Variants in PDE1A observed in about 807,000 individuals in gnomAD.
The protein encoded by PDE1A is phosphodiesterase 1A, also known as dual specificity calcium/calmodulin-dependent 3',5'-cyclic nucleotide phosphodiesterase 1A.
In PDE1A, 35 loss-of-function variants were observed where a neutral mutation model predicts 61.7. The ratio of observed to expected loss-of-function variants is 0.57; its 90% CI spans 0.43 to 0.75. PDE1A has a LOEUF of 0.75. Among genes scored for constraint, PDE1A ranks in the 30% least tolerant of loss-of-function variants. The pLI is 0.00. For synonymous variants in PDE1A, 232 were observed against 213.2 expected (o/e 1.09, Z -0.77); for missense variants, 597 against 630.6 (o/e 0.95, Z 0.57).
chr2:182,401,385 G>A (rs533433693), intron 1 of PDE1A, among the ~76,000 whole-genome samples: 11 of 152,200 alleles, frequency 7.2e-5, no homozygotes, highest in African/African-American at 2.4e-4. Context: ...ATCAATAAAC[G>A]TAATCCATCA....
At position 182,467,536 on chromosome 2, in the gene PDE1A, A is replaced by G. The variant is rs959286725; in HGVS notation, c.101+54740T>C. Among the ~76,000 whole-genome samples the G allele has an allele frequency of 5.3e-5, 8 of 151,858 alleles. No individual in the cohort carries two copies. The Admixed American group carries it at 5.3e-4, about 10-fold the overall frequency. ...TTCAGAGAGTAGAGTATTAGAAAAA[A>G]CTTCCCAATTTATTTTATTAAGCCA... On this transcript the variant is annotated intron_variant, in intron 2 of 14. Transcript: ENST00000410103.
At chr2:182,343,012 C>A (rs1248147085) in intron 1 of PDE1A, among the ~76,000 whole-genome samples, 1 of 152,166 alleles carries the variant, frequency 6.6e-6, no homozygotes, top group Non-Finnish European at 1.5e-5. Context: ...CATGTACAAA[C>A]TGCATATGAA....
the PDE1A span, among the ~76,000 whole-genome samples, chr2:182,686,449 T>C: frequency 2.0e-5 from 3 of 152,368 alleles, no homozygotes; most frequent in South Asian, 2.1e-4. Flanking sequence ...AGAATTAAGG[T>C]TGCCTTTAAA....
At chr2:182,562,293 T>A in the PDE1A span, among the ~76,000 whole-genome samples, 2 of 151,370 alleles carry the variant, frequency 1.3e-5, no homozygotes, top group African/African-American at 4.8e-5. Context: ...AAAGGCCTTT[T>A]CTGCATCTAT....
intron 13 of PDE1A, among the ~76,000 whole-genome samples, chr2:182,175,466 G>C (rs1692654832): frequency 1.4e-5 from 2 of 147,242 alleles, no homozygotes; most frequent in South Asian, 4.5e-4. Context: ...GTGTTTTTTG[G>C]CTGCATAAAT....
At chr2:182,626,828 T>TATATATATAC in the PDE1A span, among the ~76,000 whole-genome samples, 7 of 35,750 alleles carry the variant, frequency 2.0e-4, 1 homozygote, top group South Asian at 1.1e-3. Flanking sequence ...TATATATACA[T>TATATATATAC]ATATATATAC....
Position 182,398,003 on chromosome 2 carries a change from T to C in PDE1A, c.53+28575A>G, listed in dbSNP as rs542942678. 1.9e-4 allele frequency among the ~76,000 whole-genome samples: 29 copies of C among 152,136 alleles called. 1 individual carries two copies. Among genetic ancestry groups the C allele is most frequent in the African/African-American group, 7.0e-4 (29 of 41,540 alleles). Reference sequence around the variant, plus strand: ...AGAATTCTTTCTAAAGATGTTTACATGAGAGACATGGTATTTCAACTGTGC... The same window carrying C: ...AGAATTCTTTCTAAAGATGTTTACACGAGAGACATGGTATTTCAACTGTGC... On this transcript the variant is annotated intron_variant, in intron 1 of 13. Coordinates refer to ENST00000351439, the Ensembl canonical transcript of PDE1A.
At chr2:182,293,550 C>A (rs754657839) in intron 1 of PDE1A, among the ~76,000 whole-genome samples, 1 of 152,008 alleles carries the variant, frequency 6.6e-6, no homozygotes, top group Non-Finnish European at 1.5e-5. Context: ...CTTCCACGTA[C>A]ATCATGATAG....
At chr2:182,457,672 G>T (rs933350235) in intron 2 of PDE1A, among the ~76,000 whole-genome samples, 2 of 152,014 alleles carry the variant, frequency 1.3e-5, no homozygotes, top group Admixed American at 6.6e-5. Context: ...TCATTCTTAT[G>T]TAAGTAAATT....
At chr2:182,556,231 T>G in the PDE1A span, among the ~76,000 whole-genome samples, 1 of 152,050 alleles carries the variant, frequency 6.6e-6, no homozygotes, top group Admixed American at 6.5e-5. Flanking sequence ...TGGAAATAAC[T>G]ATTTAAACCA....
intron 7 of PDE1A, among the ~76,000 whole-genome samples, chr2:182,218,457 CA>C (rs886694392): frequency 1.3e-5 from 2 of 151,940 alleles, no homozygotes; most frequent in Non-Finnish European, 2.9e-5. Context: ...GAATACAATG[CA>C]TTGTTATTAA....
chr2:182,274,854 T>C (rs1198289261), intron 1 of PDE1A, among the ~76,000 whole-genome samples: 1 of 152,120 alleles, frequency 6.6e-6, no homozygotes, highest in Non-Finnish European at 1.5e-5. Flanking sequence ...TTGTAAATAA[T>C]TCTTTCTTTA....
At chr2:182,325,975 A>T (rs1697017414) in intron 1 of PDE1A, among the ~76,000 whole-genome samples, 1 of 152,144 alleles carries the variant, frequency 6.6e-6, no homozygotes, top group Non-Finnish European at 1.5e-5. Context: ...ATTGGCAAAG[A>T]ACTTGAATAC....
At chr2:182,649,669 G>T in the PDE1A span, among the ~76,000 whole-genome samples, 3 of 151,864 alleles carry the variant, frequency 2.0e-5, no homozygotes, top group African/African-American at 7.3e-5. Context: ...TGATTGCAGG[G>T]GCGCAATCTC....
chr2:182,206,884 T>C (rs950873039), intron 7 of PDE1A, among the ~76,000 whole-genome samples: 9 of 152,186 alleles, frequency 5.9e-5, no homozygotes, highest in African/African-American at 2.2e-4. Context: ...ATGTGCTTAC[T>C]TCCTCTTCAC....
the PDE1A span, among the ~76,000 whole-genome samples, chr2:182,542,106 A>G: frequency 6.6e-6 from 1 of 152,182 alleles, no homozygotes; most frequent in Non-Finnish European, 1.5e-5. Flanking sequence ...TGATTATAAA[A>G]TACATTGCTT....
At chr2:182,308,473 T>A (rs1386349932) in intron 1 of PDE1A, among the ~76,000 whole-genome samples, 1 of 152,064 alleles carries the variant, frequency 6.6e-6, no homozygotes, top group Non-Finnish European at 1.5e-5. Flanking sequence ...ATAAAGCAAA[T>A]CTTGGTATAA....
intron 13 of PDE1A, among the ~76,000 whole-genome samples, chr2:182,147,972 T>C (rs1690581888): frequency 6.6e-6 from 1 of 152,206 alleles, no homozygotes; most frequent in Non-Finnish European, 1.5e-5. Flanking sequence ...TGCAGCATAT[T>C]TTTGTTGAGG....
At chr2:182,551,390 C>T in the PDE1A span, among the ~76,000 whole-genome samples, 1 of 152,028 alleles carries the variant, frequency 6.6e-6, no homozygotes, top group Non-Finnish European at 1.5e-5. Flanking sequence ...GAAGTGGGGG[C>T]TTGGGGTTGT....
Sources: gnomAD v4.1 joint callset for allele counts (sites outside exome capture counted in the v4.1 genomes callset) on GRCh38, gnomAD v4.1.1 for gene constraint, MANE v1.5 for transcripts, NCBI Gene and HGNC (gene_info 2026-07-23, HGNC 2026-07-21) for gene names.